PTPRD: variants seen among roughly 807,000 people sequenced by gnomAD.
PTPRD encodes the protein protein tyrosine phosphatase receptor type D.
PTPRD carries 34 observed loss-of-function variants against 214.5 expected under a neutral mutation model. The ratio of observed to expected loss-of-function variants is 0.16; its 90% CI spans 0.12 to 0.21. The LOEUF is 0.21. Ranked by LOEUF, PTPRD falls within the 10% of genes least tolerant of loss-of-function variation. The probability of loss-of-function intolerance (pLI) is 1.00; values close to 1 mark genes in which losing one functional copy is unlikely to be tolerated. For synonymous variants in PTPRD, 1,128 were observed against 845.7 expected (o/e 1.33, Z -5.79); for missense variants, 2,545 against 2,398.7 (o/e 1.06, Z -1.27).
chr9:9,436,743 C>T (rs572696848), intron 8 of PTPRD, among the ~76,000 whole-genome samples: 12 of 151,914 alleles, frequency 7.9e-5, no homozygotes, highest in Non-Finnish European at 1.3e-4. Flanking sequence ...AAATAATTAG[C>T]AGTGTCATTA....
At chr9:8,654,005 T>C (rs1319844820) in intron 12 of PTPRD, among the ~76,000 whole-genome samples, 1 of 152,132 alleles carries the variant, frequency 6.6e-6, no homozygotes, top group African/African-American at 2.4e-5. Context: ...ACTACTGACA[T>C]TTTGGGTCAG....
chr9:9,078,336 T>C (rs533131077), intron 10 of PTPRD, among the ~76,000 whole-genome samples: 188 of 152,190 alleles, frequency 1.2e-3, no homozygotes, highest in Non-Finnish European at 2.1e-3. Flanking sequence ...CTTAATTATA[T>C]CATAGTTAAA....
intron 14 of PTPRD, among the ~76,000 whole-genome samples, chr9:8,549,778 C>T (rs1270530948): frequency 6.6e-6 from 1 of 152,066 alleles, no homozygotes; most frequent in African/African-American, 2.4e-5. Context: ...CCCAATAATT[C>T]TAATGGTAGC....
At chr9:9,031,797 CA>C (rs2099606340) in intron 10 of PTPRD, among the ~76,000 whole-genome samples, 1 of 151,820 alleles carries the variant, frequency 6.6e-6, no homozygotes. Context: ...GGTGAAAGAA[CA>C]AAAAATGCCT....
intron 9 of PTPRD, among the ~76,000 whole-genome samples, chr9:9,258,458 G>C (rs780485686): frequency 6.6e-6 from 1 of 151,832 alleles, no homozygotes; most frequent in Non-Finnish European, 1.5e-5. Flanking sequence ...CAGCCATTGA[G>C]GATGCGAGTT....
intron 7 of PTPRD, among the ~76,000 whole-genome samples, chr9:9,618,840 T>C (rs140748461): frequency 4.9e-4 from 74 of 152,066 alleles, no homozygotes; most frequent in African/African-American, 7.5e-4. Context: ...GGATAATGTA[T>C]AGAAAGAAAG....
At chr9:9,123,619 G>T (rs2099819704) in intron 10 of PTPRD, among the ~76,000 whole-genome samples, 1 of 152,032 alleles carries the variant, frequency 6.6e-6, no homozygotes, top group Admixed American at 6.6e-5. Flanking sequence ...GATAAAAACT[G>T]AACATATTAT....
chr9:10,575,097 A>G (rs1333787041), intron 2 of PTPRD, among the ~76,000 whole-genome samples: 1 of 151,966 alleles, frequency 6.6e-6, no homozygotes, highest in Non-Finnish European at 1.5e-5. Flanking sequence ...CATCCTTTAG[A>G]TTACTGAAAT....
intron 9 of PTPRD, among the ~76,000 whole-genome samples, chr9:9,217,110 T>A (rs1348290574): frequency 1.3e-5 from 2 of 152,080 alleles, no homozygotes; most frequent in Non-Finnish European, 2.9e-5. Context: ...AAGGGCCCCT[T>A]TAGCCAAAGA....
At chr9:9,718,397 G>T (rs1421028605) in intron 7 of PTPRD, among the ~76,000 whole-genome samples, 1 of 152,156 alleles carries the variant, frequency 6.6e-6, no homozygotes, top group African/African-American at 2.4e-5. Context: ...AGCAGGGGAG[G>T]TGCAGCTGGG....
intron 2 of PTPRD, among the ~76,000 whole-genome samples, chr9:10,564,113 C>T (rs2064872368): frequency 6.7e-6 from 1 of 148,500 alleles, no homozygotes; most frequent in South Asian, 2.1e-4. Context: ...AATCCTCCCA[C>T]CTCAGCCTCC....
At chr9:9,142,551 T>C (rs1363619984) in intron 10 of PTPRD, among the ~76,000 whole-genome samples, 3 of 152,240 alleles carry the variant, frequency 2.0e-5, no homozygotes, top group African/African-American at 7.2e-5. Context: ...CACCTGGTAG[T>C]CTTTAAATTG....
chr9:8,468,209 G>T (rs1022014622), intron 31 of PTPRD, among the ~76,000 whole-genome samples: 4 of 151,906 alleles, frequency 2.6e-5, no homozygotes, highest in Admixed American at 2.0e-4. Context: ...GCCCCTTTAG[G>T]TTGCTCTAAT....
intron 2 of PTPRD, among the ~76,000 whole-genome samples, chr9:10,360,850 C>A (rs2097367873): frequency 6.6e-6 from 1 of 152,190 alleles, no homozygotes; most frequent in Admixed American, 6.5e-5. Context: ...CGCCTGTAAT[C>A]CCAGCACTTT....
At chr9:10,206,758 T>A (rs1285526671) in intron 3 of PTPRD, among the ~76,000 whole-genome samples, 6 of 152,180 alleles carry the variant, frequency 3.9e-5, no homozygotes, top group Non-Finnish European at 7.3e-5. Context: ...GTCCTGATCA[T>A]AGCAGAAAGT....
rs577140181 is a variant in PTPRD, at chr9:10,389,556, C to A, written c.-599-48539G>T. ...ACACTTCAAAAGTATTTTTGTGAGA[C>A]AAAATAATTCATATACATTATTTTG... On this transcript the variant is annotated intron_variant, in intron 2 of 45. Transcript: ENST00000381196. 2.4e-4 allele frequency among the ~76,000 whole-genome samples: 36 copies of A among 151,856 alleles called. 1 individual carries two copies. In the South Asian group the frequency reaches 7.1e-3, roughly 30 times the overall value.
rs143042280 is a variant in PTPRD, at chr9:10,433,927, C to T, written c.-599-92910G>A. The stretch of plus-strand genomic sequence containing the variant: ...AAACATTACATATTTATTTGGAATA[C>T]CATTGGTAATGTAATAAATCAATCA... On this transcript the variant is annotated intron_variant, in intron 2 of 45. Transcript: ENST00000381196. Among the ~76,000 whole-genome samples, 754 of 151,826 alleles carry T rather than the reference C, an allele frequency of 5.0e-3. 1 individual carries two copies. The highest frequency in any genetic ancestry group is 6.7e-3 in the Non-Finnish European group (457 of 67,848).
chr9:9,710,426 G>A (rs1452610705), intron 7 of PTPRD, among the ~76,000 whole-genome samples: 1 of 151,824 alleles, frequency 6.6e-6, no homozygotes, highest in Admixed American at 6.6e-5. Context: ...TAAGATTTAG[G>A]CCTGCAGTAA....
intron 10 of PTPRD, among the ~76,000 whole-genome samples, chr9:9,163,405 A>G (rs2099894372): frequency 6.6e-6 from 1 of 151,860 alleles, no homozygotes; most frequent in Non-Finnish European, 1.5e-5. Flanking sequence ...TTCCACTACC[A>G]TCTACCCAGG....
Sources: gnomAD v4.1 joint callset for allele counts (sites outside exome capture counted in the v4.1 genomes callset) on GRCh38, gnomAD v4.1.1 for gene constraint, MANE v1.5 for transcripts, NCBI Gene and HGNC (gene_info 2026-07-23, HGNC 2026-07-21) for gene names.